The following MUC22 variants were observed in gnomAD, a reference collection of about 807,000 sequenced individuals.
MUC22 encodes the protein mucin-22.
MUC22 carries 24 observed loss-of-function variants against 40.3 expected under a neutral mutation model. That is an observed-to-expected ratio of 0.60 (90% CI 0.43 to 0.84). MUC22 has a LOEUF of 0.84. Ranked by LOEUF, MUC22 falls within the 40% of genes least tolerant of loss-of-function variation. The pLI is 0.00. For missense variants in MUC22, 1,926 were observed against 2,130.7 expected (o/e 0.90, Z 1.89); for synonymous variants, 765 against 844.5 (o/e 0.91, Z 1.63).
intron 1 of MUC22, among the ~76,000 whole-genome samples, chr6:31,021,982 A>G (rs149196263): frequency 0.021 from 3,262 of 152,270 alleles, 54 homozygotes; most frequent in Admixed American, 0.039. Flanking sequence ...TCCTGAAGCC[A>G]GCGAGCCCAC....
At position 31,026,326 on chromosome 6, in the gene MUC22, A is replaced by C. The variant is rs896871447; in HGVS notation, c.895A>C (p.Thr299Pro). 27 of 1,504,824 alleles carry C rather than the reference A, an allele frequency of 1.8e-5. No homozygotes were observed. In the African/African-American group the frequency reaches 2.3e-4, roughly 13 times the overall value. The allele number at this position is 1,504,824 out of a possible 1,614,324, so 93.2% of individuals were successfully genotyped here. The change falls in exon 2 of 4, where the codon ACC becomes CCC. Residue 299 changes from threonine to proline, a missense_variant. Thr to Pro is a conservative substitution (Grantham distance 38, BLOSUM62 -1). Coordinates refer to ENST00000561890, the Ensembl canonical transcript of MUC22. ...CTCTACAGCAGGTTCTGAGACCACCACCCCCTCCCCCACAGGCTCTCAGAC... is the reference window on the plus strand; with the variant it reads ...CTCTACAGCAGGTTCTGAGACCACCCCCCCCTCCCCCACAGGCTCTCAGAC...
At chr6:31,026,638 G>C in exon 2 of MUC22, 4 of 1,507,312 alleles carry the variant, frequency 2.7e-6, no homozygotes, top group Non-Finnish European at 2.7e-6. Flanking sequence ...CTCCACCGTG[G>C]GCTCTGAGAC....
chr6:31,020,800 G>A (rs539048352), intron 1 of MUC22, among the ~76,000 whole-genome samples: 144 of 148,254 alleles, frequency 9.7e-4, no homozygotes, highest in Admixed American at 3.2e-3. Flanking sequence ...TGGGCTTGGC[G>A]GCCCCGCACT....
At chr6:31,029,699 C>T (rs1765870586) in exon 2 of MUC22, 1 of 1,534,586 alleles carries the variant, frequency 6.5e-7, no homozygotes, top group Admixed American at 2.0e-5. Context: ...GCTGCAGGCT[C>T]TGAGGCCACC....
At chr6:31,020,436 A>G (rs988990765) in intron 1 of MUC22, among the ~76,000 whole-genome samples, 2 of 120,782 alleles carry the variant, frequency 1.7e-5, no homozygotes, top group African/African-American at 6.0e-5. Context: ...CCTCCTGGAA[A>G]TTGACTTTTT....
exon 2 of MUC22, chr6:31,028,289 A>G: frequency 6.5e-7 from 1 of 1,534,748 alleles, no homozygotes; most frequent in Non-Finnish European, 8.7e-7. Context: ...ACAGGCTCTG[A>G]GACCACTAAA....
chr6:31,018,096 G>A (rs538652228), intron 1 of MUC22, among the ~76,000 whole-genome samples: 5 of 152,154 alleles, frequency 3.3e-5, no homozygotes, highest in African/African-American at 9.7e-5. Context: ...GAGAGTCCAC[G>A]GCTTCATTGT....
intron 1 of MUC22, among the ~76,000 whole-genome samples, chr6:31,016,988 A>C (rs9262474): frequency 2.0e-5 from 3 of 151,828 alleles, no homozygotes; most frequent in African/African-American, 7.3e-5. Context: ...CAGCAGTGCC[A>C]GCGGGTGCTG....
At chr6:31,020,483 G>C (rs1356779012) in intron 1 of MUC22, among the ~76,000 whole-genome samples, 6 of 110,896 alleles carry the variant, frequency 5.4e-5, no homozygotes, top group Non-Finnish European at 1.1e-4. Context: ...CGCTCTTGTT[G>C]CCCCAGGCTG....
intron 1 of MUC22, among the ~76,000 whole-genome samples, chr6:31,015,210 G>T (rs906492376): frequency 2.6e-5 from 4 of 152,142 alleles, no homozygotes; most frequent in Admixed American, 6.5e-5. Flanking sequence ...TGGTTAGTCT[G>T]CATATCAGCT....
chr6:31,029,291 C>T (rs1187088650), exon 2 of MUC22: 2 of 1,528,908 alleles, frequency 1.3e-6, no homozygotes, highest in South Asian at 1.2e-5. Context: ...GAGACCACTA[C>T]AGTCACTACT....
At chr6:31,012,729 C>A (rs1362899593) in intron 1 of MUC22, among the ~76,000 whole-genome samples, 2 of 152,212 alleles carry the variant, frequency 1.3e-5, no homozygotes, top group Non-Finnish European at 2.9e-5. Flanking sequence ...ACAGTGTCTC[C>A]TGTAGCCCCA....
rs1766105273 is a variant in MUC22 at position 31,032,103 on chromosome 6, T to C, written c.4670-93T>C. ...CTCCTGAGCCACCTCCACCATAGGT[T>C]TGTTAGATTCACCCTCCTCTGGTCT... On this transcript the variant is annotated intron_variant, in intron 2 of 3. Transcript: ENST00000561890. This position sits in a 1 kb window ranked among gnomAD's most constrained non-coding sequence, Gnocchi z 4.1. 4 of 1,364,152 alleles carry C rather than the reference T, an allele frequency of 2.9e-6. No individual in the cohort carries two copies. Among genetic ancestry groups the C allele is most frequent in the Non-Finnish European group, 3.9e-6 (4 of 1,026,582 alleles). 84.5% of individuals were successfully genotyped at this position (1,364,152 alleles called of 1,614,324 possible). A position where few individuals can be genotyped will look rare whatever the true frequency, so the allele number is the denominator to read the frequency against.
chr6:31,027,395 C>T, exon 2 of MUC22: 2 of 1,533,634 alleles, frequency 1.3e-6, no homozygotes, highest in African/African-American at 2.7e-5. Context: ...GGCTCTGAGA[C>T]CACTACAGTT....
chr6:31,010,772 A>T (rs1763810014), exon 1 of MUC22: 4 of 702,476 alleles, frequency 5.7e-6, no homozygotes, highest in Middle Eastern at 2.3e-4. Flanking sequence ...GACTTCTGGG[A>T]CCCAGTAAGT....
chr6:31,019,393 C>A (rs12208652), intron 1 of MUC22, among the ~76,000 whole-genome samples: 17,912 of 152,272 alleles, frequency 0.12, 1,225 homozygotes, highest in African/African-American at 0.16. Context: ...TGCCCTCCTA[C>A]ATGCCCGTTT....
intron 1 of MUC22, among the ~76,000 whole-genome samples, chr6:31,017,026 G>A (rs992494993): frequency 3.3e-5 from 5 of 152,218 alleles, no homozygotes; most frequent in Non-Finnish European, 7.4e-5. Context: ...GACCTCAGCT[G>A]CCTCCCTGAG....
chr6:31,006,428 G>A (rs1381384597), upstream of MUC22, among the ~76,000 whole-genome samples: 1 of 152,178 alleles, frequency 6.6e-6, no homozygotes, highest in Non-Finnish European at 1.5e-5. Context: ...ACGAGGGTGG[G>A]GTGATGAATA....
rs1490161688 is a variant in MUC22 at position 31,026,441 on chromosome 6, C to G, written c.1010C>G (p.Thr337Ser). Residue 337 changes from threonine (T) to serine (S), a missense_variant, in exon 2 of 4, where the codon ACC becomes AGC. By Grantham distance (58) the Thr-to-Ser change is moderately conservative. Coordinates refer to ENST00000561890, the Ensembl canonical transcript of MUC22. Reference sequence around the variant, plus strand: ...ACAGTCTCTAGTGCAGGCTCTGGGACCACCACAGCTTCTATGGCAGGCTCT... The same window carrying G: ...ACAGTCTCTAGTGCAGGCTCTGGGAGCACCACAGCTTCTATGGCAGGCTCT... The G allele has an allele frequency of 2.0e-6, 3 of 1,508,018 alleles. 1 individual carries two copies. Among genetic ancestry groups the G allele is most frequent in the Non-Finnish European group, 2.7e-6 (3 of 1,128,956 alleles). The allele number at this position is 1,508,018 out of a possible 1,614,324, so 93.4% of individuals were successfully genotyped here. A position where few individuals can be genotyped will look rare whatever the true frequency, so the allele number is the denominator to read the frequency against.
Sources: gnomAD v4.1 joint callset for allele counts (sites outside exome capture counted in the v4.1 genomes callset) on GRCh38, gnomAD v4.1.1 for gene constraint, Gnocchi (gnomAD v3.1) non-coding constraint, MANE v1.5 for transcripts, NCBI Gene and HGNC (gene_info 2026-07-23, HGNC 2026-07-21) for gene names.